Variants in SCAPER observed in about 807,000 individuals in gnomAD.
SCAPER encodes S phase cyclin A-associated protein in the endoplasmic reticulum.
Under a neutral mutation model 182.2 loss-of-function variants are expected in SCAPER, and 98 were observed. The observed-to-expected ratio is 0.54, with a 90% CI of 0.46 to 0.64. The LOEUF (loss-of-function observed/expected upper bound fraction) is 0.64. Among genes scored for constraint, SCAPER ranks in the 30% least tolerant of loss-of-function variants. The pLI is 0.00. For synonymous variants in SCAPER, 605 were observed against 564.6 expected (o/e 1.07, Z -1.01); for missense variants, 1,432 against 1,690.0 (o/e 0.85, Z 2.68).
At chr15:76,714,983 C>T (rs140973640) in intron 17 of SCAPER, among the ~76,000 whole-genome samples, 1 of 152,202 alleles carries the variant, frequency 6.6e-6, no homozygotes, top group African/African-American at 2.4e-5. Flanking sequence ...AAAAACTCAA[C>T]ATCCACCCAG....
intron 5 of SCAPER, among the ~76,000 whole-genome samples, chr15:76,822,866 T>C (rs1240047175): frequency 6.6e-6 from 1 of 152,222 alleles, no homozygotes; most frequent in Admixed American, 6.5e-5. Flanking sequence ...ACTGTGTGTA[T>C]GTATTACTAC....
At chr15:76,381,991 C>T (rs1387855060) in intron 27 of SCAPER, among the ~76,000 whole-genome samples, 2 of 152,146 alleles carry the variant, frequency 1.3e-5, no homozygotes, top group Non-Finnish European at 2.9e-5. Context: ...TCCTAGCTTC[C>T]TTTCTGGATA....
At chr15:76,578,114 A>G (rs1467195815) in intron 22 of SCAPER, among the ~76,000 whole-genome samples, 1 of 151,400 alleles carries the variant, frequency 6.6e-6, no homozygotes, top group Non-Finnish European at 1.5e-5. Flanking sequence ...AGAGACTCCT[A>G]TGACTATAGA....
intron 8 of SCAPER, among the ~76,000 whole-genome samples, chr15:76,778,795 A>G (rs922155626): frequency 2.6e-5 from 4 of 152,088 alleles, no homozygotes; most frequent in African/African-American, 9.7e-5. Context: ...AAACCAGTAC[A>G]TAAGTATATA....
chr15:76,472,301 T>C (rs2050247948), intron 24 of SCAPER: 3 of 649,696 alleles, frequency 4.6e-6, no homozygotes, highest in Admixed American at 1.8e-5. Flanking sequence ...GGAATAACCC[T>C]GCAGAAAATG....
In SCAPER at chr15:76,437,668, C is replaced by G. The variant is rs554721843; in HGVS notation, c.3079-3358G>C. ...TACTGTTTTTCATCATGAAGTATTT[C>G]AAATAAAACACTATGTATGCATGTC... On this transcript the variant is annotated intron_variant, in intron 25 of 31. Coordinates refer to ENST00000563290, the MANE Select transcript of SCAPER (RefSeq NM_020843.4). 7.2e-5 allele frequency among the ~76,000 whole-genome samples: 11 copies of G among 152,270 alleles called. No homozygotes were observed. In the Middle Eastern group the frequency reaches 0.01, roughly 141 times the overall value.
chr15:76,476,625 T>G (rs147046677), intron 24 of SCAPER, among the ~76,000 whole-genome samples: 4 of 128,432 alleles, frequency 3.1e-5, no homozygotes, highest in South Asian at 2.4e-4. Flanking sequence ...TTTTTTTTTG[T>G]AGAGACAGAG....
intron 21 of SCAPER, among the ~76,000 whole-genome samples, chr15:76,633,699 G>A (rs944373716): frequency 6.6e-6 from 1 of 152,176 alleles, no homozygotes; most frequent in Admixed American, 6.5e-5. Context: ...AAGCAGTCTG[G>A]CCACAAACTA....
intron 4 of SCAPER, among the ~76,000 whole-genome samples, chr15:76,853,318 A>C (rs1236131951): frequency 6.6e-6 from 1 of 152,146 alleles, no homozygotes; most frequent in Non-Finnish European, 1.5e-5. Context: ...CTCCTCCCCA[A>C]CTCATTCTAC....
At chr15:76,612,209 C>T (rs548738436) in intron 22 of SCAPER, among the ~76,000 whole-genome samples, 1 of 152,114 alleles carries the variant, frequency 6.6e-6, no homozygotes, top group East Asian at 1.9e-4. Flanking sequence ...CAGTCTCAGC[C>T]CAAAAAGCTG....
At chr15:76,608,236 G>A (rs2050634915) in intron 22 of SCAPER, among the ~76,000 whole-genome samples, 1 of 152,196 alleles carries the variant, frequency 6.6e-6, no homozygotes, top group Non-Finnish European at 1.5e-5. Flanking sequence ...CCTTCTAACA[G>A]ACAGGACCCT....
chr15:76,900,447 GA>G (rs2074720079), intron 1 of SCAPER, among the ~76,000 whole-genome samples: 1 of 150,490 alleles, frequency 6.6e-6, no homozygotes, highest in Non-Finnish European at 1.5e-5. Flanking sequence ...TGAAATTTGA[GA>G]AACTCAGGGC....
chr15:76,396,879 G>C (rs2044097221), intron 27 of SCAPER, among the ~76,000 whole-genome samples: 1 of 152,044 alleles, frequency 6.6e-6, no homozygotes, highest in African/African-American at 2.4e-5. Context: ...GGTCATCCTT[G>C]TTGTGTTCCA....
chr15:76,525,723 T>G (rs969590557), intron 23 of SCAPER, among the ~76,000 whole-genome samples: 3 of 152,234 alleles, frequency 2.0e-5, no homozygotes, highest in Non-Finnish European at 4.4e-5. Flanking sequence ...TATTCAATGG[T>G]GTATATATAC....
chr15:76,531,502 T>C (rs1361937434), intron 23 of SCAPER, among the ~76,000 whole-genome samples: 1 of 152,118 alleles, frequency 6.6e-6, no homozygotes, highest in Non-Finnish European at 1.5e-5. Flanking sequence ...TCCTAGTAAT[T>C]AACTGGCGAC....
chr15:76,679,196 G>C (rs1439876358), intron 20 of SCAPER, among the ~76,000 whole-genome samples: 1 of 152,158 alleles, frequency 6.6e-6, no homozygotes, highest in Non-Finnish European at 1.5e-5. Flanking sequence ...AGTGTGTTTA[G>C]AGATTCAAGA....
At chr15:76,628,286 A>G (rs1283224301) in intron 21 of SCAPER, among the ~76,000 whole-genome samples, 1 of 152,030 alleles carries the variant, frequency 6.6e-6, no homozygotes, top group African/African-American at 2.4e-5. Context: ...GTTTAATTAG[A>G]TCTCATTTGT....
intron 20 of SCAPER, among the ~76,000 whole-genome samples, chr15:76,673,556 T>C (rs993803001): frequency 2.6e-5 from 4 of 152,110 alleles, no homozygotes; most frequent in Non-Finnish European, 5.9e-5. Context: ...AACCTGATAT[T>C]TGGTATGGAA....
At chr15:76,574,379 T>C (rs2047669151) in intron 22 of SCAPER, 95 bp from the exon 23 acceptor site, 7 of 1,414,334 alleles carry the variant, frequency 4.9e-6, no homozygotes, top group East Asian at 2.5e-5. Flanking sequence ...ACTTTCAGTA[T>C]TGGATTTGAA....
Sources: gnomAD v4.1 joint callset for allele counts (sites outside exome capture counted in the v4.1 genomes callset) on GRCh38, gnomAD v4.1.1 for gene constraint, MANE v1.5 for transcripts, NCBI Gene and HGNC (gene_info 2026-07-23, HGNC 2026-07-21) for gene names.